The following ADD1 variants were observed in gnomAD, a reference collection of about 807,000 sequenced individuals.
ADD1 encodes the protein adducin 1.
A neutral mutation model predicts 80.5 loss-of-function variants in ADD1; 24 were observed. That is an observed-to-expected ratio of 0.30 (90% CI 0.22 to 0.42). The LOEUF (loss-of-function observed/expected upper bound fraction) is 0.42. Among genes scored for constraint, ADD1 ranks in the 10% least tolerant of loss-of-function variants. ADD1 has a pLI of 1.00. For missense variants in ADD1, 948 were observed against 1,019.0 expected, an observed-to-expected ratio of 0.93 and a Z score of 0.95; for synonymous variants, 373 against 393.8, an observed-to-expected ratio of 0.95 and a Z score of 0.63.
intron 4 of ADD1, among the ~76,000 whole-genome samples, chr4:2,885,740 G>C (rs1469142887): frequency 6.6e-6 from 1 of 151,976 alleles, no homozygotes; most frequent in Non-Finnish European, 1.5e-5. Context: ...CTCCCGAGTA[G>C]CTGGGACTAC....
At chr4:2,907,666 A>G in intron 10 of ADD1, 77 bp from the exon 11 acceptor site, 1 of 1,231,260 alleles carries the variant, frequency 8.1e-7, no homozygotes, top group Non-Finnish European at 1.2e-6. Flanking sequence ...CAGATGTGAG[A>G]TAAACTGAAT....
chr4:2,852,221 CCTTT>C (rs1727313642), intron 1 of ADD1, among the ~76,000 whole-genome samples: 2 of 130,398 alleles, frequency 1.5e-5, no homozygotes, highest in Non-Finnish European at 3.4e-5. Flanking sequence ...TCCTTTCTTT[CCTTT>C]CTTTCCTTTC....
At chr4:2,872,602 T>G (rs1047567101) in intron 1 of ADD1, among the ~76,000 whole-genome samples, 6 of 152,272 alleles carry the variant, frequency 3.9e-5, no homozygotes, top group African/African-American at 1.4e-4. Context: ...CTGTCACCCA[T>G]GCTGGAGTGT....
intron 1 of ADD1, among the ~76,000 whole-genome samples, chr4:2,872,836 A>G (rs1296171292): frequency 6.6e-6 from 1 of 152,202 alleles, no homozygotes; most frequent in Non-Finnish European, 1.5e-5. Flanking sequence ...CTGGGATTAC[A>G]GGCATGAGCC....
chr4:2,929,006 C>T lies in ADD1; in HGVS notation c.*483C>T, dbSNP rs1261342614. 6.3e-6 allele frequency: 1 copy of T among 159,072 alleles called. No homozygotes were observed. Among genetic ancestry groups the T allele is most frequent in the African/African-American group, 2.4e-5 (1 of 41,502 alleles). 9.9% of individuals were successfully genotyped at this position (159,072 alleles called of 1,614,324 possible). On this transcript the variant is annotated 3_prime_UTR_variant, in exon 16 of 16. Coordinates refer to ENST00000683351, the MANE Select transcript of ADD1 (RefSeq NM_001354761.2). The stretch of plus-strand genomic sequence containing the variant: ...TCTCACTTAAATCTATATACAAAGC[C>T]TTGGTCCCGTGAAAACACTCGTGTG...
intron 14 of ADD1, among the ~76,000 whole-genome samples, chr4:2,920,657 C>CT (rs55649630): frequency 0.52 from 71,444 of 136,562 alleles, 18,856 homozygotes; most frequent in Middle Eastern, 0.61. Flanking sequence ...GCAACTCCTG[C>CT]TTTTTTTTTT....
intron 1 of ADD1, among the ~76,000 whole-genome samples, chr4:2,854,327 A>AAAGC (rs934149972): frequency 2.0e-5 from 3 of 152,170 alleles, no homozygotes; most frequent in East Asian, 1.9e-4. Context: ...CCATCTTAAG[A>AAAGC]AAGCAAGCAA....
At chr4:2,878,162 G>A (rs781403076) in intron 2 of ADD1, among the ~76,000 whole-genome samples, 10 of 152,190 alleles carry the variant, frequency 6.6e-5, no homozygotes, top group Non-Finnish European at 1.5e-4. Context: ...AGTTTCCATT[G>A]CATTCTGTGT....
At chr4:2,868,836 G>A (rs1338085978) in intron 1 of ADD1, among the ~76,000 whole-genome samples, 1 of 152,166 alleles carries the variant, frequency 6.6e-6, no homozygotes, top group Admixed American at 6.5e-5. Flanking sequence ...CCAGGCTTGG[G>A]GCGTGGGGAA....
chr4:2,883,937 C>T (rs1353114103), intron 3 of ADD1, among the ~76,000 whole-genome samples: 2 of 152,346 alleles, frequency 1.3e-5, no homozygotes, highest in South Asian at 2.1e-4. Context: ...TCCCAAAGTG[C>T]TGGGATTACA....
chr4:2,886,858 G>A (rs1442285943), intron 4 of ADD1, among the ~76,000 whole-genome samples: 2 of 152,168 alleles, frequency 1.3e-5, no homozygotes, highest in African/African-American at 2.4e-5. Flanking sequence ...ATGCTGTGGT[G>A]GAGATTAGTG....
intron 1 of ADD1, among the ~76,000 whole-genome samples, chr4:2,845,480 G>C (rs894637009): frequency 1.3e-5 from 2 of 152,194 alleles, no homozygotes; most frequent in African/African-American, 2.4e-5. Flanking sequence ...CTGCTTTTCA[G>C]AGTTTCGATG....
At chr4:2,905,173 G>A (rs1290086204) in intron 10 of ADD1, 65 bp downstream of exon 10, 4 of 1,503,652 alleles carry the variant, frequency 2.7e-6, no homozygotes, top group South Asian at 1.2e-5. Context: ...TGGGGCTTCG[G>A]AGGCTTTGGG....
chr4:2,861,860 C>A (rs1452774008), intron 1 of ADD1, among the ~76,000 whole-genome samples: 3 of 152,150 alleles, frequency 2.0e-5, no homozygotes, highest in Non-Finnish European at 4.4e-5. Flanking sequence ...AACCTGTTGC[C>A]CACATGTGGC....
chr4:2,847,866 A>G (rs978834000), intron 1 of ADD1, among the ~76,000 whole-genome samples: 2 of 152,170 alleles, frequency 1.3e-5, no homozygotes, highest in African/African-American at 4.8e-5. Context: ...GCCTTTCCTA[A>G]GGAGGCAACC....
chr4:2,858,932 T>G (rs1394358872), intron 1 of ADD1, among the ~76,000 whole-genome samples: 1 of 152,238 alleles, frequency 6.6e-6, no homozygotes, highest in Non-Finnish European at 1.5e-5. Flanking sequence ...CCTGGGAACA[T>G]ATCACCGAGT....
At chr4:2,869,730 T>G (rs1229841820) in intron 1 of ADD1, among the ~76,000 whole-genome samples, 1 of 152,204 alleles carries the variant, frequency 6.6e-6, no homozygotes, top group South Asian at 2.1e-4. Context: ...GTGCCTTGCA[T>G]GTAAGGTGGA....
chr4:2,882,861 T>G (rs915835484), intron 3 of ADD1, among the ~76,000 whole-genome samples: 3 of 152,164 alleles, frequency 2.0e-5, no homozygotes, highest in East Asian at 1.9e-4. Flanking sequence ...TCCGTTTTTT[T>G]TTGTTGTTGT....
chr4:2,904,827 G>T lies in ADD1; in HGVS notation c.1225G>T (p.Asp409Tyr), dbSNP rs766033361. ...ALREKSKKYSDVEVPASVTGY... is the reference protein window; with the variant it reads ...ALREKSKKYSYVEVPASVTGY... ...GAGAGAGAAGTCTAAAAAATACAGCGATGTGGAGGTTCCTGCTAGTGTCAC... is the reference window on the plus strand; with the variant it reads ...GAGAGAGAAGTCTAAAAAATACAGCTATGTGGAGGTTCCTGCTAGTGTCAC... Residue 409 changes from aspartate to tyrosine, a missense_variant, in exon 10 of 16, where the codon GAT (aspartate) becomes TAT (tyrosine). Asp to Tyr is a radical substitution (Grantham distance 160). Transcript: ENST00000683351. 1.2e-6 allele frequency: 2 copies of T among 1,614,148 alleles called. No individual in the cohort carries two copies. The highest frequency in any genetic ancestry group is 1.7e-6 in the Non-Finnish European group (2 of 1,180,028).
Sources: allele counts gnomAD v4.1 joint callset (sites outside exome capture counted in the v4.1 genomes callset), GRCh38; gene constraint gnomAD v4.1.1; transcripts MANE v1.5; gene names NCBI Gene and HGNC (gene_info 2026-07-23, HGNC 2026-07-21).